The following TPRG1 variants were observed in gnomAD, a reference collection of about 807,000 sequenced individuals.
TPRG1 encodes the protein tumor protein p63-regulated gene 1 protein.
A neutral mutation model predicts 29.3 loss-of-function variants in TPRG1; 29 were observed. That is an observed-to-expected ratio of 0.99 (90% confidence interval 0.74 to 1.35). The LOEUF (loss-of-function observed/expected upper bound fraction) is 1.35, where lower values mean the gene tolerates loss of function less well. TPRG1 is among the 40% of genes most tolerant of loss of function. The pLI is 0.00. For synonymous variants in TPRG1, 130 were observed against 116.8 expected (o/e 1.11, Z -0.73); for missense variants, 327 against 335.0 (o/e 0.98, Z 0.19).
intron 5 of TPRG1, among the ~76,000 whole-genome samples, chr3:189,157,435 T>C (rs1054644251): frequency 6.6e-6 from 1 of 151,888 alleles, no homozygotes; most frequent in Admixed American, 6.6e-5. Context: ...TTCGACAGAG[T>C]CCAAGGCAGA....
chr3:189,123,341 A>G (rs972228361), intron 1 of TPRG1, among the ~76,000 whole-genome samples: 3 of 152,220 alleles, frequency 2.0e-5, no homozygotes, highest in African/African-American at 7.2e-5. Flanking sequence ...ATAATAGCTG[A>G]ATATTGGTGC....
intron 1 of TPRG1, among the ~76,000 whole-genome samples, chr3:189,185,139 TTG>T (rs1229540923): frequency 6.6e-6 from 1 of 152,180 alleles, no homozygotes; most frequent in Non-Finnish European, 1.5e-5. Context: ...TCTAAGAACC[TTG>T]TGTCACTATT....
intron 3 of TPRG1, among the ~76,000 whole-genome samples, chr3:189,018,651 A>G (rs1408061775): frequency 4.6e-4 from 70 of 151,078 alleles, no homozygotes; most frequent in Middle Eastern, 3.4e-3. Context: ...GTATAGTTTG[A>G]AGTCAGGTAG....
rs551750600 is a variant in TPRG1, at chr3:189,154,458, T to C, written c.-10+3586T>C. ...CATGCAGTGTACATTTTTTTTTTTT[T>C]TGACATGGAGTCTTGCACTGTCACC... On this transcript the variant is annotated intron_variant, in intron 5 of 6. Coordinates refer to the TPRG1 transcript ENST00000412373. 4.8e-3 allele frequency among the ~76,000 whole-genome samples: 724 copies of C among 152,092 alleles called. 7 individuals are homozygous for C. Among genetic ancestry groups the C allele is most frequent in the African/African-American group, 0.016 (672 of 41,434 alleles).
At chr3:189,284,867 A>G (rs538845925) in intron 4 of TPRG1, among the ~76,000 whole-genome samples, 1 of 152,362 alleles carries the variant, frequency 6.6e-6, no homozygotes, top group South Asian at 2.1e-4. Flanking sequence ...ACCATTCAGG[A>G]CATAGGCATG....
At chr3:189,178,719 A>T (rs979163505) in intron 1 of TPRG1, among the ~76,000 whole-genome samples, 1 of 152,192 alleles carries the variant, frequency 6.6e-6, no homozygotes, top group Non-Finnish European at 1.5e-5. Context: ...CTGGTTTCTA[A>T]AAGTTGAGTT....
At chr3:189,272,665 TCTTC>T (rs1314702822) in intron 4 of TPRG1, among the ~76,000 whole-genome samples, 4 of 149,024 alleles carry the variant, frequency 2.7e-5, no homozygotes, top group Non-Finnish European at 5.9e-5. Flanking sequence ...TTCGTTTCTT[TCTTC>T]CTTCCTTTCT....
intron 4 of TPRG1, among the ~76,000 whole-genome samples, chr3:189,095,043 A>G (rs1357939098): frequency 6.6e-6 from 1 of 152,222 alleles, no homozygotes; most frequent in South Asian, 2.1e-4. Context: ...AGTCTGGCTC[A>G]CGACTAGGGT....
intron 3 of TPRG1, among the ~76,000 whole-genome samples, chr3:189,236,647 G>T (rs1422460890): frequency 6.6e-6 from 1 of 152,108 alleles, no homozygotes; most frequent in East Asian, 1.9e-4. Flanking sequence ...AGTGATTTTG[G>T]CCATAACCTT....
chr3:189,232,160 T>A (rs977958305), intron 3 of TPRG1, among the ~76,000 whole-genome samples: 3 of 152,166 alleles, frequency 2.0e-5, no homozygotes, highest in African/African-American at 7.2e-5. Context: ...AAGTAGCTTT[T>A]AAGGGATACA....
intron 4 of TPRG1, among the ~76,000 whole-genome samples, chr3:189,249,007 T>A: frequency 6.6e-6 from 1 of 151,378 alleles, no homozygotes; most frequent in Non-Finnish European, 1.5e-5. Flanking sequence ...TAAATGGTAG[T>A]GAGATTAGTA....
At chr3:189,078,295 G>A (rs1000076468) in intron 4 of TPRG1, among the ~76,000 whole-genome samples, 3 of 151,596 alleles carry the variant, frequency 2.0e-5, no homozygotes, top group Admixed American at 6.6e-5. Context: ...GTGCCACCAT[G>A]CTTGGCTAAT....
At chr3:189,137,265 A>T (rs996600312) in intron 3 of TPRG1, among the ~76,000 whole-genome samples, 5 of 151,540 alleles carry the variant, frequency 3.3e-5, no homozygotes, top group South Asian at 2.1e-4. Flanking sequence ...TTAAGAAAGC[A>T]ACAAAATAAA....
intron 3 of TPRG1, among the ~76,000 whole-genome samples, chr3:189,022,229 G>C (rs1285546617): frequency 6.6e-6 from 1 of 152,016 alleles, no homozygotes; most frequent in Non-Finnish European, 1.5e-5. Context: ...TCTTCTTTCA[G>C]CTCGTCAAAG....
intron 3 of TPRG1, among the ~76,000 whole-genome samples, chr3:189,023,558 C>T (rs556527652): frequency 1.2e-4 from 19 of 152,282 alleles, no homozygotes; most frequent in African/African-American, 4.6e-4. Flanking sequence ...GTGTTGCAGT[C>T]ATTTGGAGGA....
At position 189,321,061 on chromosome 3, in the gene TPRG1, C is replaced by T. The variant is rs1328615807; in HGVS notation, c.*241C>T. The T allele has an allele frequency of 3.6e-6, 1 of 278,784 alleles. No individual in the cohort carries two copies. Among genetic ancestry groups the T allele is most frequent in the African/African-American group, 2.2e-5 (1 of 44,596 alleles). 17.3% of individuals were successfully genotyped at this position (278,784 alleles called of 1,614,324 possible). On this transcript the variant is annotated 3_prime_UTR_variant, in exon 6 of 6. Transcript: ENST00000345063. ...AGAAAATAAATGCTGCTGAGCCTAT[C>T]AAATACTGTTATCAAATGAGTGCCT...
At chr3:189,284,376 C>T (rs1331714173) in intron 4 of TPRG1, among the ~76,000 whole-genome samples, 1 of 126,418 alleles carries the variant, frequency 7.9e-6, no homozygotes, top group Non-Finnish European at 1.6e-5. Context: ...CACAACAGGC[C>T]CTGGTACGTG....
intron 5 of TPRG1, among the ~76,000 whole-genome samples, chr3:189,312,113 C>CTCTCTCT (rs1722643447): frequency 1.4e-5 from 1 of 73,714 alleles, no homozygotes; most frequent in African/African-American, 6.8e-5. Context: ...TTGTTTCTTT[C>CTCTCTCT]TTTGTTTCTT....
At chr3:189,221,038 C>T (rs1322780247) in intron 3 of TPRG1, among the ~76,000 whole-genome samples, 2 of 152,246 alleles carry the variant, frequency 1.3e-5, no homozygotes, top group East Asian at 3.9e-4. Flanking sequence ...GTCAATGACA[C>T]ACAAATGTAA....
Sources: gnomAD v4.1 joint callset for allele counts (sites outside exome capture counted in the v4.1 genomes callset) on GRCh38, gnomAD v4.1.1 for gene constraint, MANE v1.5 for transcripts, NCBI Gene and HGNC (gene_info 2026-07-23, HGNC 2026-07-21) for gene names.